The following ALDOB variants were observed in gnomAD, a reference collection of about 807,000 sequenced individuals.
ALDOB encodes fructose-bisphosphate aldolase B.
A neutral mutation model predicts 41.0 loss-of-function variants in ALDOB; 39 were observed. The observed-to-expected ratio is 0.95, with a 90% CI of 0.74 to 1.24. ALDOB has a LOEUF of 1.24. Among genes scored for constraint, ALDOB ranks in the 50% most tolerant of loss-of-function variants. The pLI is 0.00. For synonymous variants in ALDOB, 175 were observed against 168.8 expected (o/e 1.04, Z -0.28); for missense variants, 530 against 457.3 (o/e 1.16, Z -1.45).
Position 101,421,660 on chromosome 9 carries a change from T to G in ALDOB, c.*149A>C. 1.4e-6 allele frequency: 1 copy of G among 731,024 alleles called. No individual in the cohort carries two copies. The highest frequency in any genetic ancestry group is 2.7e-5 in the East Asian group (1 of 37,180). The allele number at this position is 731,024 out of a possible 1,614,324, so 45.3% of individuals were successfully genotyped here. ...TTTTATGTTTCAATAACTGATTTAT[T>G]TTTTCCCCCTTGTACTTAAGATTTA... On this transcript the variant is annotated 3_prime_UTR_variant, in exon 9 of 9. Transcript: ENST00000647789.
chr9:101,427,252 C>G (rs537781360), intron 5 of ALDOB, among the ~76,000 whole-genome samples: 213 of 152,290 alleles, frequency 1.4e-3, no homozygotes, highest in Admixed American at 1.3e-3. Flanking sequence ...CAGAGGGCAG[C>G]AGTTGATGGC....
At chr9:101,423,005 C>T (rs1831070820) in intron 8 of ALDOB, among the ~76,000 whole-genome samples, 1 of 152,208 alleles carries the variant, frequency 6.6e-6, no homozygotes, top group Non-Finnish European at 1.5e-5. Context: ...TTCCCTTCTT[C>T]TGTGTGGATG....
Position 101,421,721 on chromosome 9 carries a change from G to A in ALDOB, c.*88C>T, listed in dbSNP as rs1831049392. On this transcript the variant is annotated 3_prime_UTR_variant, in exon 9 of 9. Coordinates refer to ENST00000647789, the MANE Select transcript of ALDOB (RefSeq NM_000035.4). ...TATTTCCAGCAGTTCAAATCTAATT[G>A]TGTCGAATTTCCAGGATTGGAGGAA... 1 of 992,860 alleles carries A rather than the reference G, an allele frequency of 1.0e-6. No individual in the cohort carries two copies. The highest frequency in any genetic ancestry group is 1.6e-5 in the African/African-American group (1 of 63,232). 61.5% of individuals were successfully genotyped at this position (992,860 alleles called of 1,614,324 possible). A position where few individuals can be genotyped will look rare whatever the true frequency, so the allele number is the denominator to read the frequency against.
chr9:101,427,575 A>G lies in ALDOB; in HGVS notation c.447T>C (p.Arg149=). The G allele has an allele frequency of 6.2e-7, 1 of 1,614,196 alleles. No individual in the cohort carries two copies. The highest frequency in any genetic ancestry group is 8.5e-7 in the Non-Finnish European group (1 of 1,180,038). Residue 149 remains arginine, a synonymous_variant, in exon 5 of 9, where the codon CGT becomes CGC. Transcript: ENST00000647789. Reference sequence around the variant, plus strand: ...ACTGGTCGGCAATCCTCAGCACAGCACGCCACTTCCCAAAGTCAACACCAT... The same window carrying G: ...ACTGGTCGGCAATCCTCAGCACAGCGCGCCACTTCCCAAAGTCAACACCAT... ...KKDGVDFGKW[R]AVLRIADQCP...
intron 1 of ALDOB, among the ~76,000 whole-genome samples, chr9:101,435,506 A>C (rs1588174236): frequency 6.6e-6 from 1 of 152,186 alleles, no homozygotes; most frequent in Non-Finnish European, 1.5e-5. Context: ...TCAAAAAGTC[A>C]GGAAAGGTGT....
chr9:101,434,384 G>A (rs529546858), intron 1 of ALDOB, among the ~76,000 whole-genome samples: 2 of 152,282 alleles, frequency 1.3e-5, no homozygotes, highest in South Asian at 4.1e-4. Flanking sequence ...CCTATGGTAT[G>A]GTTCTTTCTG....
chr9:101,430,679 C>A, intron 2 of ALDOB, 97 bp downstream of exon 2: 3 of 966,462 alleles, frequency 3.1e-6, no homozygotes, highest in East Asian at 5.1e-5. Flanking sequence ...TGTACATAAA[C>A]CTTTACTTCC....
intron 7 of ALDOB, among the ~76,000 whole-genome samples, 156 bp from the exon 8 acceptor site, chr9:101,425,198 G>A (rs1320633659): frequency 6.6e-6 from 1 of 152,208 alleles, no homozygotes; most frequent in Non-Finnish European, 1.5e-5. Context: ...TTTTGCTGAA[G>A]CTAGTTGGGC....
intron 8 of ALDOB, among the ~76,000 whole-genome samples, chr9:101,422,705 G>A (rs150124545): frequency 6.6e-6 from 1 of 152,318 alleles, no homozygotes; most frequent in East Asian, 1.9e-4. Flanking sequence ...ACAACAGTAA[G>A]ATGACTATAG....
chr9:101,431,529 C>T (rs1244384323), intron 1 of ALDOB, among the ~76,000 whole-genome samples: 1 of 152,182 alleles, frequency 6.6e-6, no homozygotes, highest in African/African-American at 2.4e-5. Flanking sequence ...TGCCTCTGGG[C>T]TTGGGTTTCT....
rs1588172200 is a variant in ALDOB, at chr9:101,429,752, C to T, written c.324+3G>A. The T allele has an allele frequency of 6.2e-7, 1 of 1,613,858 alleles. No homozygotes were observed. Among genetic ancestry groups the T allele is most frequent in the East Asian group, 2.2e-5 (1 of 44,840 alleles). ...GAAGTGAGGTGTGAATGGAGGTGTT[C>T]ACCTTGATTCCCACCACGATCCCCT... On this transcript the variant is annotated splice_donor_region_variant and intron_variant, in intron 3 of 8. Transcript: ENST00000647789.
chr9:101,430,790 G>A lies in ALDOB; in HGVS notation c.98C>T (p.Ala33Val), dbSNP rs1831207811. The A allele has an allele frequency of 6.2e-7, 1 of 1,612,998 alleles. No individual in the cohort carries two copies. The highest frequency in any genetic ancestry group is 2.2e-5 in the East Asian group (1 of 44,886). The change falls in exon 2 of 9, where the codon GCA becomes GTA. Residue 33 changes from alanine to valine, a missense_variant. Ala to Val is a moderately conservative substitution (Grantham distance 64). Transcript: ENST00000647789. ...IVANGKGILA[A>V]DESVGTMGNR... Reference sequence around the variant, plus strand: ...TTTACACTCACCTACAGATTCATCTGCAGCCAGGATCCCCTTTCCATTGGC... The same window carrying A: ...TTTACACTCACCTACAGATTCATCTACAGCCAGGATCCCCTTTCCATTGGC...
In ALDOB at chr9:101,421,104, T is replaced by C. The variant is rs1831039692; in HGVS notation, c.*705A>G. 1 of 152,380 alleles carries C rather than the reference T, an allele frequency of 6.6e-6. No individual in the cohort carries two copies. Among genetic ancestry groups the C allele is most frequent in the Admixed American group, 6.5e-5 (1 of 15,292 alleles). The allele number at this position is 152,380 out of a possible 1,614,324, so 9.4% of individuals were successfully genotyped here. A position where few individuals can be genotyped will look rare whatever the true frequency, so the allele number is the denominator to read the frequency against. On this transcript the variant is annotated 3_prime_UTR_variant, in exon 9 of 9. Transcript: ENST00000647789. ...CCCTCAAACTTGAAATTTAGATTGG[T>C]AGTTCTCAAACTTGACTGTACATTG...
At chr9:101,423,468 G>A (rs971569936) in intron 8 of ALDOB, among the ~76,000 whole-genome samples, 3 of 152,116 alleles carry the variant, frequency 2.0e-5, no homozygotes, top group Non-Finnish European at 2.9e-5. Context: ...TGGCCATAAC[G>A]TCCGATCAAT....
At chr9:101,425,738 C>T (rs1019102997) in intron 6 of ALDOB, 111 bp from the exon 7 acceptor site, 3 of 1,243,534 alleles carry the variant, frequency 2.4e-6, no homozygotes, top group Non-Finnish European at 3.5e-6. Flanking sequence ...TTATTTGTTG[C>T]TTGGCAAAAG....
chr9:101,428,775 T>G (rs1831169356), intron 3 of ALDOB, among the ~76,000 whole-genome samples: 1 of 152,174 alleles, frequency 6.6e-6, no homozygotes, highest in South Asian at 2.1e-4. Flanking sequence ...TAAAGAGAAT[T>G]AAGGATACAA....
intron 2 of ALDOB, 81 bp downstream of exon 2, chr9:101,430,695 G>C: frequency 9.3e-7 from 1 of 1,076,816 alleles, no homozygotes; most frequent in Admixed American, 1.9e-5. Flanking sequence ...CTTCCATAAA[G>C]AATATGATTA....
chr9:101,433,489 G>C (rs1298997834), intron 1 of ALDOB, among the ~76,000 whole-genome samples: 1 of 152,150 alleles, frequency 6.6e-6, no homozygotes, highest in Non-Finnish European at 1.5e-5. Context: ...ACCTGGGATG[G>C]GTAATGACAA....
intron 2 of ALDOB, 85 bp downstream of exon 2, chr9:101,430,689 CAT>C: frequency 9.6e-7 from 1 of 1,041,054 alleles, no homozygotes. Flanking sequence ...CCTTTACTTC[CAT>C]AAAGAATATG....
Sources: gnomAD v4.1 joint callset for allele counts (sites outside exome capture counted in the v4.1 genomes callset) on GRCh38, gnomAD v4.1.1 for gene constraint, MANE v1.5 for transcripts, NCBI Gene and HGNC (gene_info 2026-07-23, HGNC 2026-07-21) for gene names.